Variants in ITPRID1 observed in about 807,000 individuals in gnomAD.
ITPRID1 encodes the protein ITPR interacting domain containing 1.
ITPRID1 carries 96 observed loss-of-function variants against 95.4 expected under a neutral mutation model. That is an observed-to-expected ratio of 1.01 (90% confidence interval 0.85 to 1.19). The LOEUF (loss-of-function observed/expected upper bound fraction) is 1.19, where lower values mean the gene tolerates loss of function less well. Among genes scored for constraint, ITPRID1 ranks in the 50% most tolerant of loss-of-function variants. The pLI is 0.00. For synonymous variants in ITPRID1, 510 were observed against 453.6 expected, an observed-to-expected ratio of 1.12 and a Z score of -1.58; for missense variants, 1,339 against 1,252.9, an observed-to-expected ratio of 1.07 and a Z score of -1.04.
chr7:31,637,203 G>A (rs1789572258), intron 10 of ITPRID1, among the ~76,000 whole-genome samples: 2 of 152,066 alleles, frequency 1.3e-5, no homozygotes. Flanking sequence ...ACATACGTGT[G>A]CATGTGTCTT....
intron 10 of ITPRID1, among the ~76,000 whole-genome samples, chr7:31,607,865 C>T (rs764204415): frequency 1.2e-4 from 18 of 151,772 alleles, no homozygotes; most frequent in Non-Finnish European, 1.8e-4. Context: ...GTTTATCTTC[C>T]AGCACTTTAA....
At chr7:31,518,555 T>C (rs1783121638) in intron 1 of ITPRID1, among the ~76,000 whole-genome samples, 1 of 152,164 alleles carries the variant, frequency 6.6e-6, no homozygotes, top group Non-Finnish European at 1.5e-5. Flanking sequence ...GACCTTGAAG[T>C]GCATAAACCA....
At chr7:31,623,465 A>C (rs1285152535) in intron 10 of ITPRID1, among the ~76,000 whole-genome samples, 3 of 151,916 alleles carry the variant, frequency 2.0e-5, no homozygotes, top group Non-Finnish European at 4.4e-5. Flanking sequence ...CAAATCAATA[A>C]ATGTAATCAA....
intron 5 of ITPRID1, among the ~76,000 whole-genome samples, chr7:31,562,550 A>T (rs768623921): frequency 2.0e-4 from 30 of 152,226 alleles, no homozygotes; most frequent in Non-Finnish European, 4.0e-4. Context: ...AAAAAGTCAA[A>T]GTAAATCCAA....
chr7:31,641,133 T>C (rs1392657220), intron 10 of ITPRID1, among the ~76,000 whole-genome samples: 2 of 152,142 alleles, frequency 1.3e-5, no homozygotes, highest in African/African-American at 4.8e-5. Context: ...ATGATGCTGC[T>C]CTTGTGAGTG....
chr7:31,620,043 C>T (rs1359562715), intron 10 of ITPRID1, among the ~76,000 whole-genome samples: 2 of 152,140 alleles, frequency 1.3e-5, no homozygotes, highest in Non-Finnish European at 2.9e-5. Flanking sequence ...AAGGTGGCAG[C>T]GAGGCTGGGG....
intron 10 of ITPRID1, among the ~76,000 whole-genome samples, chr7:31,616,880 C>G (rs1225561117): frequency 6.6e-6 from 1 of 152,068 alleles, no homozygotes; most frequent in Admixed American, 6.6e-5. Context: ...GATACCCAAA[C>G]CTCTCTTGCT....
At chr7:31,522,450 G>A (rs1041173975) in intron 1 of ITPRID1, among the ~76,000 whole-genome samples, 12 of 152,282 alleles carry the variant, frequency 7.9e-5, no homozygotes, top group Middle Eastern at 6.8e-3. Context: ...ATAGATGCTC[G>A]TCTCATGGAA....
Position 31,652,626 on chromosome 7 carries a change from G to A in ITPRID1, c.2932G>A (p.Gly978Ser). The A allele has an allele frequency of 6.2e-7, 1 of 1,613,726 alleles. No homozygotes were observed. The highest frequency in any genetic ancestry group is 8.5e-7 in the Non-Finnish European group (1 of 1,179,798). Residue 978 changes from glycine (G) to serine (S), a missense_variant, in exon 15 of 15, where the codon GGC becomes AGC. Transcript: ENST00000615280. Reference protein sequence around the residue: ...GQTSCSKIHPGMAPRTVFPPD... With the variant: ...GQTSCSKIHPSMAPRTVFPPD... ...GACTTCATGTTCTAAAATCCACCCA[G>A]GCATGGCCCCGAGGACTGTGTTTCC...
intron 1 of ITPRID1, among the ~76,000 whole-genome samples, chr7:31,547,046 T>C (rs1784120735): frequency 6.6e-6 from 1 of 151,766 alleles, no homozygotes. Context: ...ATTAAGATGA[T>C]GTGGTGAACG....
At chr7:31,608,195 C>T (rs1348493455) in intron 10 of ITPRID1, among the ~76,000 whole-genome samples, 1 of 151,988 alleles carries the variant, frequency 6.6e-6, no homozygotes, top group Non-Finnish European at 1.5e-5. Context: ...TTTCTAATCT[C>T]TCTAAGTTCT....
At chr7:31,591,979 T>C (rs1785885511) in intron 10 of ITPRID1, among the ~76,000 whole-genome samples, 1 of 152,190 alleles carries the variant, frequency 6.6e-6, no homozygotes, top group Admixed American at 6.5e-5. Flanking sequence ...ACCAAAAAAA[T>C]TCAGATAACT....
chr7:31,639,644 C>G (rs1428501044), intron 10 of ITPRID1, among the ~76,000 whole-genome samples: 2 of 149,988 alleles, frequency 1.3e-5, no homozygotes, highest in Non-Finnish European at 3.0e-5. Context: ...TCATGCCATT[C>G]TCCTGCCTCA....
intron 10 of ITPRID1, among the ~76,000 whole-genome samples, chr7:31,589,218 CAATG>C (rs1785757684): frequency 6.6e-6 from 1 of 151,900 alleles, no homozygotes; most frequent in African/African-American, 2.4e-5. Flanking sequence ...ACATCAGAAA[CAATG>C]AAAGAAAGAC....
At chr7:31,574,279 T>A (rs1357875672) in intron 7 of ITPRID1, among the ~76,000 whole-genome samples, 3 of 152,124 alleles carry the variant, frequency 2.0e-5, no homozygotes, top group Admixed American at 6.6e-5. Flanking sequence ...CCTGTATAAT[T>A]TACCATGTGC....
chr7:31,554,162 A>G (rs1309814773), intron 3 of ITPRID1, among the ~76,000 whole-genome samples: 4 of 152,170 alleles, frequency 2.6e-5, no homozygotes, highest in Non-Finnish European at 4.4e-5. Flanking sequence ...CACCCTTTGT[A>G]TTCACACCAG....
At chr7:31,537,907 C>G (rs1783811669) in intron 1 of ITPRID1, among the ~76,000 whole-genome samples, 1 of 152,076 alleles carries the variant, frequency 6.6e-6, no homozygotes, top group Non-Finnish European at 1.5e-5. Flanking sequence ...GACATTTTTT[C>G]TGTAACAAAA....
intron 1 of ITPRID1, among the ~76,000 whole-genome samples, chr7:31,520,773 A>G (rs1223386484): frequency 6.6e-6 from 1 of 152,098 alleles, no homozygotes; most frequent in African/African-American, 2.4e-5. Context: ...TGTGTATGCT[A>G]ATCCATGTAT....
intron 10 of ITPRID1, among the ~76,000 whole-genome samples, chr7:31,630,939 G>A (rs1489458978): frequency 6.6e-6 from 1 of 152,142 alleles, no homozygotes; most frequent in Admixed American, 6.5e-5. Context: ...GCTAGGATGA[G>A]AGGTAGAAAC....
Sources: gnomAD v4.1 joint callset for allele counts (sites outside exome capture counted in the v4.1 genomes callset) on GRCh38, gnomAD v4.1.1 for gene constraint, MANE v1.5 for transcripts, NCBI Gene and HGNC (gene_info 2026-07-23, HGNC 2026-07-21) for gene names.